The following UAP1 variants were observed in gnomAD, a reference collection of about 807,000 sequenced individuals.
UAP1 encodes UDP-N-acetylhexosamine pyrophosphorylase.
A neutral mutation model predicts 58.5 loss-of-function variants in UAP1; 25 were observed. The observed-to-expected ratio is 0.43, with a 90% CI of 0.31 to 0.60. The LOEUF (loss-of-function observed/expected upper bound fraction) is 0.60. Among genes scored for constraint, UAP1 ranks in the 20% least tolerant of loss-of-function variants. The pLI is 0.11. For synonymous variants in UAP1, 208 were observed against 213.0 expected, an observed-to-expected ratio of 0.98 and a Z score of 0.21; for missense variants, 575 against 630.0, an observed-to-expected ratio of 0.91 and a Z score of 0.93.
chr1:162,570,880 G>GTGCTA (rs1398131899), intron 2 of UAP1, among the ~76,000 whole-genome samples: 1 of 152,100 alleles, frequency 6.6e-6, no homozygotes, highest in Non-Finnish European at 1.5e-5. Context: ...AAAAGGACCT[G>GTGCTA]TGCTATCTTC....
rs573527297 is a variant in UAP1, at chr1:162,598,952, G to A, written c.1477-319G>A. The stretch of plus-strand genomic sequence containing the variant: ...AATTGCTTGAAACTGGGAGGTGGGG[G>A]TTGCAGTGAGCATAGGGGTGAGACT... On this transcript the variant is annotated intron_variant, in intron 10 of 10. Transcript: ENST00000271469. Among the ~76,000 whole-genome samples, 8 of 152,006 alleles carry A rather than the reference G, an allele frequency of 5.3e-5. No homozygotes were observed. In the East Asian group the frequency reaches 1.6e-3, roughly 29 times the overall value.
intron 5 of UAP1, among the ~76,000 whole-genome samples, chr1:162,582,952 G>T (rs191991431): frequency 1.0e-4 from 15 of 150,108 alleles, no homozygotes; most frequent in African/African-American, 3.2e-4. Context: ...ACTTCTATCT[G>T]TTCCAATACT....
chr1:162,593,797 A>G (rs958807699), intron 9 of UAP1: 4 of 152,232 alleles, frequency 2.6e-5, no homozygotes, highest in African/African-American at 7.2e-5. Context: ...AATTTGGGAA[A>G]TATATGCAGG....
At chr1:162,577,234 G>A (rs1441437949) in intron 3 of UAP1, among the ~76,000 whole-genome samples, 3 of 151,792 alleles carry the variant, frequency 2.0e-5, no homozygotes, top group African/African-American at 4.8e-5. Flanking sequence ...TACTCAGTGA[G>A]CTCTCTGCAT....
chr1:162,576,706 C>T, intron 2 of UAP1, 71 bp from the exon 3 acceptor site: 1 of 1,396,294 alleles, frequency 7.2e-7, no homozygotes, highest in Admixed American at 1.9e-5. Context: ...GTCTTTGCTG[C>T]TACCTATGTA....
intron 9 of UAP1, 97 bp from the exon 10 acceptor site, chr1:162,597,695 C>G (rs1313354117): frequency 2.2e-6 from 2 of 927,254 alleles, no homozygotes; most frequent in African/African-American, 3.3e-5. Context: ...GAAGAATTAT[C>G]TGCAAGCTTC....
chr1:162,587,525 G>A (rs1654971020), exon 6 of UAP1: 1 of 1,613,886 alleles, frequency 6.2e-7, no homozygotes, highest in African/African-American at 1.3e-5. Context: ...TTTGCCGAGT[G>A]GATGGAGTTT....
chr1:162,580,942 A>G (rs1481045285), intron 4 of UAP1, among the ~76,000 whole-genome samples: 1 of 152,220 alleles, frequency 6.6e-6, no homozygotes, highest in Admixed American at 6.5e-5. Flanking sequence ...TACAAATGTT[A>G]ATGAAACTTG....
intron 1 of UAP1, among the ~76,000 whole-genome samples, chr1:162,565,623 T>C (rs1234879078): frequency 6.6e-6 from 1 of 152,202 alleles, no homozygotes; most frequent in Non-Finnish European, 1.5e-5. Flanking sequence ...GGTAGCTTAG[T>C]GGTCAGAGGA....
At position 162,568,094 on chromosome 1, in the gene UAP1, G is replaced by A. The variant is rs574724876; in HGVS notation, c.280+1746G>A. 4.6e-5 allele frequency among the ~76,000 whole-genome samples: 7 copies of A among 152,234 alleles called. No homozygotes were observed. In the East Asian group the frequency reaches 5.8e-4, roughly 13 times the overall value. On this transcript the variant is annotated intron_variant, in intron 2 of 10. Coordinates refer to ENST00000271469, the Ensembl canonical transcript of UAP1. ...ATTACAGGTATGAGCCACCGTGCCC[G>A]GGCAGATTGTATATATATTTGATTT...
chr1:162,586,823 T>A (rs183812438), intron 5 of UAP1, among the ~76,000 whole-genome samples: 28 of 152,304 alleles, frequency 1.8e-4, no homozygotes, highest in South Asian at 4.1e-4. Context: ...TTCAGAATTA[T>A]TTTTTTGAAG....
At chr1:162,597,934 A>T in intron 10 of UAP1, 76 bp downstream of exon 10, 12 of 1,307,374 alleles carry the variant, frequency 9.2e-6, no homozygotes, top group Non-Finnish European at 1.3e-5. Context: ...AGTGGATTTT[A>T]AATGTTCTCA....
chr1:162,592,393 AAAAT>A (rs1655370092), intron 8 of UAP1, among the ~76,000 whole-genome samples: 1 of 152,186 alleles, frequency 6.6e-6, no homozygotes, highest in Admixed American at 6.5e-5. Context: ...CATCTCAAGA[AAAAT>A]AATAAAATGT....
rs534441300 is a variant in UAP1, at chr1:162,578,761, T to A, written c.486-667T>A. 1.2e-4 allele frequency among the ~76,000 whole-genome samples: 18 copies of A among 152,322 alleles called. No homozygotes were observed. In the South Asian group the frequency reaches 1.2e-3, roughly 11 times the overall value. The stretch of plus-strand genomic sequence containing the variant: ...TGTGGTATGAAATTATACCATTTTG[T>A]TTATTCATTTAACAAATATTAATTG... On this transcript the variant is annotated intron_variant, in intron 3 of 10. Coordinates refer to ENST00000271469, the Ensembl canonical transcript of UAP1.
intron 7 of UAP1, among the ~76,000 whole-genome samples, chr1:162,589,936 A>T (rs1465854346): frequency 6.6e-6 from 1 of 152,126 alleles, no homozygotes; most frequent in African/African-American, 2.4e-5. Flanking sequence ...GTGCCACTGC[A>T]CTCCAGCCTG....
chr1:162,583,451 C>T (rs1654725065), intron 5 of UAP1, among the ~76,000 whole-genome samples: 1 of 151,770 alleles, frequency 6.6e-6, no homozygotes, highest in African/African-American at 2.4e-5. Context: ...CCGTGCCCAG[C>T]TGGTGTCACT....
chr1:162,586,196 C>T (rs1654892809), intron 5 of UAP1, among the ~76,000 whole-genome samples: 1 of 152,180 alleles, frequency 6.6e-6, no homozygotes. Flanking sequence ...GAAGAAAAGT[C>T]TTAACTTTAT....
exon 3 of UAP1, chr1:162,576,803 G>A (rs1447804644): frequency 2.5e-6 from 4 of 1,614,020 alleles, no homozygotes; most frequent in Non-Finnish European, 3.4e-6. Flanking sequence ...TCAGAATAAA[G>A]TAGCAGTTCT....
intron 2 of UAP1, 21 bp from the exon 3 acceptor site, chr1:162,576,756 T>C: frequency 6.2e-7 from 1 of 1,607,604 alleles, no homozygotes; most frequent in Non-Finnish European, 8.5e-7. Context: ...GGTTTTGTGA[T>C]ACAAGTGTTT....
Sources: allele counts gnomAD v4.1 joint callset (sites outside exome capture counted in the v4.1 genomes callset), GRCh38; gene constraint gnomAD v4.1.1; transcripts MANE v1.5; gene names NCBI Gene and HGNC (gene_info 2026-07-23, HGNC 2026-07-21).